The following RASSF5 variants were observed in gnomAD, a reference collection of about 807,000 sequenced individuals.
RASSF5 encodes the protein Ras association domain family member 5, also known as ras association domain-containing protein 5.
RASSF5 carries 25 observed loss-of-function variants against 40.5 expected under a neutral mutation model. The observed-to-expected ratio is 0.62, with a 90% CI of 0.45 to 0.86. RASSF5 has a LOEUF of 0.86. RASSF5 is among the 40% of genes least tolerant of loss of function. The pLI, the probability that RASSF5 is intolerant of heterozygous loss-of-function variation, is 0.00. For synonymous variants in RASSF5, 246 were observed against 252.4 expected, an observed-to-expected ratio of 0.97 and a Z score of 0.24; for missense variants, 521 against 572.8, an observed-to-expected ratio of 0.91 and a Z score of 0.92.
At chr1:206,533,734 G>A (rs1345187782) in intron 1 of RASSF5, among the ~76,000 whole-genome samples, 15 of 152,002 alleles carry the variant, frequency 9.9e-5, no homozygotes, top group Admixed American at 9.8e-4. Context: ...CAACCTGGGT[G>A]AGAGAGTGAG....
At chr1:206,508,984 C>G (rs1553394281) in intron 1 of RASSF5, among the ~76,000 whole-genome samples, 1 of 152,126 alleles carries the variant, frequency 6.6e-6, no homozygotes, top group African/African-American at 2.4e-5. Context: ...CACCCTCCAC[C>G]CCCACCCCGG....
At chr1:206,547,566 T>C (rs1667730662) in intron 2 of RASSF5, among the ~76,000 whole-genome samples, 1 of 152,018 alleles carries the variant, frequency 6.6e-6, no homozygotes, top group Admixed American at 6.6e-5. Flanking sequence ...CCACTGATTC[T>C]ACATGATGGT....
At chr1:206,543,130 A>T (rs1021910308) in intron 2 of RASSF5, 2 of 151,294 alleles carry the variant, frequency 1.3e-5, no homozygotes, top group Admixed American at 1.3e-4. Context: ...GTAGGAGGAC[A>T]GCTTGAACTG....
chr1:206,507,818 C>A lies in RASSF5; in HGVS notation c.216C>A (p.Pro72=), dbSNP rs1666498161. The change falls in exon 1 of 6, where the codon CCC becomes CCA. Residue 72 remains proline (P), a synonymous_variant. Coordinates refer to ENST00000579436, the MANE Select transcript of RASSF5 (RefSeq NM_182663.4). ...GGGCTGCCCGGGGGAACCTGGAGCC[C>A]CCGCCCCGGGCCTCCCGACCCGCTC... The part of the protein sequence containing the change: ...ARRAARGNLE[P]PPRASRPARP... 1 of 1,407,358 alleles carries A rather than the reference C, an allele frequency of 7.1e-7. No individual in the cohort carries two copies. Among genetic ancestry groups the A allele is most frequent in the Non-Finnish European group, 9.2e-7 (1 of 1,089,138 alleles). 87.2% of individuals were successfully genotyped at this position (1,407,358 alleles called of 1,614,324 possible).
chr1:206,563,558 C>T (rs576564846), intron 2 of RASSF5, among the ~76,000 whole-genome samples: 1 of 152,274 alleles, frequency 6.6e-6, no homozygotes, highest in African/African-American at 2.4e-5. Flanking sequence ...CAACCACCTG[C>T]ACCAGAACTA....
intron 2 of RASSF5, among the ~76,000 whole-genome samples, chr1:206,578,096 C>T (rs1025328527): frequency 2.1e-5 from 3 of 146,164 alleles, no homozygotes. Flanking sequence ...GAGTGTGGCA[C>T]ATGCTTGTAG....
intron 1 of RASSF5, among the ~76,000 whole-genome samples, chr1:206,515,781 C>T (rs1553395321): frequency 6.6e-6 from 1 of 152,194 alleles, no homozygotes; most frequent in African/African-American, 2.4e-5. Context: ...TGCTGATTTG[C>T]AGGAGGCTGT....
At chr1:206,529,257 G>A (rs568600453) in intron 1 of RASSF5, 2 of 1,147,862 alleles carry the variant, frequency 1.7e-6, no homozygotes, top group Admixed American at 1.9e-5. Context: ...GTTGGCCCAG[G>A]CTGAGAAGAG....
At position 206,584,842 on chromosome 1, in the gene RASSF5, C is replaced by G. The variant is rs1669045035; in HGVS notation, c.988+158C>G. The G allele has an allele frequency of 1.3e-6, 1 of 766,238 alleles. No homozygotes were observed. Among genetic ancestry groups the G allele is most frequent in the Non-Finnish European group, 2.1e-6 (1 of 481,166 alleles). The allele number at this position is 766,238 out of a possible 1,614,324, so 47.5% of individuals were successfully genotyped here. On this transcript the variant is annotated intron_variant, in intron 4 of 5. Coordinates refer to ENST00000579436, the MANE Select transcript of RASSF5 (RefSeq NM_182663.4). The surrounding 1 kb of genome is among the most constrained non-coding windows in gnomAD (Gnocchi z 4.9). ...GGTGTTCAGATCTGTGGAATCCGGG[C>G]AGGGAGGCAAGAGCAGAGTCCCTGA... is the stretch of plus-strand genomic sequence containing the variant.
At chr1:206,572,990 A>T (rs1446308176) in intron 2 of RASSF5, among the ~76,000 whole-genome samples, 6 of 152,276 alleles carry the variant, frequency 3.9e-5, no homozygotes, top group Admixed American at 6.5e-5. Context: ...AAAAATTTGG[A>T]CAAATGACTA....
rs984546892 is a variant in RASSF5 at position 206,545,349 on chromosome 1, T to G, written c.579+7056T>G. On this transcript the variant is annotated intron_variant, in intron 2 of 5. Transcript: ENST00000579436. Reference sequence around the variant, plus strand: ...AAACTTTTAGGAATTTCTTGTGTTTTTTTTTTTTTTTTTTTTAACAGACAG... The same window carrying G: ...AAACTTTTAGGAATTTCTTGTGTTTGTTTTTTTTTTTTTTTTAACAGACAG... Among the ~76,000 whole-genome samples the G allele has an allele frequency of 7.1e-4, 98 of 138,944 alleles. 1 individual carries two copies. Among genetic ancestry groups the G allele is most frequent in the East Asian group, 2.7e-3 (14 of 5,118 alleles). 91.2% of individuals were successfully genotyped at this position (138,944 alleles called of 152,430 possible).
intron 1 of RASSF5, among the ~76,000 whole-genome samples, chr1:206,517,673 A>G (rs571073972): frequency 5.0e-4 from 76 of 152,270 alleles, no homozygotes; most frequent in Admixed American, 2.9e-3. Flanking sequence ...CTTTTCTACT[A>G]GGGCTTGGCA....
rs1219461801 is a variant in RASSF5 at position 206,560,355 on chromosome 1, T to C, written c.579+22062T>C. On this transcript the variant is annotated intron_variant, in intron 2 of 5. Coordinates refer to ENST00000579436, the MANE Select transcript of RASSF5 (RefSeq NM_182663.4). The surrounding 1 kb of genome is among the most constrained non-coding windows in gnomAD (Gnocchi z 5.1). ...TCCCAAGACTCCTCTCCAATGCCCT[T>C]TGGGAAGAGGTCGGAGGGGTGGGAA... is the stretch of plus-strand genomic sequence containing the variant. Among the ~76,000 whole-genome samples, 1 of 152,132 alleles carries C rather than the reference T, an allele frequency of 6.6e-6. No individual in the cohort carries two copies. The highest frequency in any genetic ancestry group is 1.5e-5 in the Non-Finnish European group (1 of 68,000).
chr1:206,551,878 G>A (rs781927288), intron 2 of RASSF5, among the ~76,000 whole-genome samples: 4 of 152,228 alleles, frequency 2.6e-5, no homozygotes, highest in African/African-American at 4.8e-5. Flanking sequence ...CATGCTGCCC[G>A]GGATGTTGGA....
chr1:206,571,542 C>T (rs1269447729), intron 2 of RASSF5: 4 of 152,164 alleles, frequency 2.6e-5, no homozygotes, highest in African/African-American at 9.7e-5. Flanking sequence ...GTGGTGTGCT[C>T]ATAGTCTAAT....
intron 2 of RASSF5, among the ~76,000 whole-genome samples, chr1:206,554,852 C>T (rs1667940403): frequency 1.3e-5 from 2 of 152,128 alleles, no homozygotes; most frequent in Non-Finnish European, 2.9e-5. Context: ...TCTTCTAGTC[C>T]TAAAGTCCCT....
Position 206,513,879 on chromosome 1 carries a change from G to A in RASSF5, c.457+5820G>A, listed in dbSNP as rs1318551515. 2.6e-5 allele frequency among the ~76,000 whole-genome samples: 4 copies of A among 152,180 alleles called. No homozygotes were observed. The highest frequency in any genetic ancestry group is 4.4e-5 in the Non-Finnish European group (3 of 68,042). On this transcript the variant is annotated intron_variant, in intron 1 of 5. Transcript: ENST00000579436. The surrounding 1 kb of genome is among the most constrained non-coding windows in gnomAD (Gnocchi z 5.0). ...ACTGGTTTAAGTGGAATAAAGTCGGGGCTTGGGAGCAGTCATGGGTTGCCC... is the reference window on the plus strand; with the variant it reads ...ACTGGTTTAAGTGGAATAAAGTCGGAGCTTGGGAGCAGTCATGGGTTGCCC...
chr1:206,536,696 T>A, intron 1 of RASSF5, among the ~76,000 whole-genome samples: 1 of 152,100 alleles, frequency 6.6e-6, no homozygotes, highest in African/African-American at 2.4e-5. Flanking sequence ...GGAAAAGCAT[T>A]TCGAGGTGCC....
intron 2 of RASSF5, among the ~76,000 whole-genome samples, chr1:206,539,257 C>T (rs1279500359): frequency 1.3e-5 from 2 of 152,194 alleles, no homozygotes; most frequent in African/African-American, 4.8e-5. Context: ...ATGGTTTCTA[C>T]ACATCCGGTG....
Sources: allele counts gnomAD v4.1 joint callset (sites outside exome capture counted in the v4.1 genomes callset), GRCh38; gene constraint gnomAD v4.1.1; non-coding constraint Gnocchi (gnomAD v3.1); transcripts MANE v1.5; gene names NCBI Gene and HGNC (gene_info 2026-07-23, HGNC 2026-07-21).